The following LSAMP variants were observed in gnomAD, a reference collection of about 807,000 sequenced individuals.
The protein encoded by LSAMP is limbic system-associated membrane protein.
In LSAMP, 7 loss-of-function variants were observed where a neutral mutation model predicts 38.6. That is an observed-to-expected ratio of 0.18 (90% CI 0.10 to 0.34). The LOEUF is 0.34. LSAMP is among the 10% of genes least tolerant of loss of function. The pLI is 1.00. For missense variants in LSAMP, 313 were observed against 420.0 expected, an observed-to-expected ratio of 0.75 and a Z score of 2.23; for synonymous variants, 154 against 166.8, an observed-to-expected ratio of 0.92 and a Z score of 0.59.
At chr3:116,438,328 A>T (rs1312381551) in intron 1 of LSAMP, among the ~76,000 whole-genome samples, 4 of 152,310 alleles carry the variant, frequency 2.6e-5, no homozygotes, top group Admixed American at 6.5e-5. Context: ...CAATACTTTG[A>T]TACATACAAT....
intron 6 of LSAMP, among the ~76,000 whole-genome samples, chr3:115,834,194 A>C (rs1934708899): frequency 1.3e-5 from 2 of 152,126 alleles, no homozygotes; most frequent in African/African-American, 4.8e-5. Context: ...TCCAACTGTG[A>C]GGGTAGTCAG....
At chr3:115,918,047 CA>C in intron 3 of LSAMP, among the ~76,000 whole-genome samples, 1 of 152,246 alleles carries the variant, frequency 6.6e-6, no homozygotes, top group East Asian at 1.9e-4. Flanking sequence ...TGGCTGTGGG[CA>C]GGGGTCAGGT....
chr3:116,131,052 A>G (rs376514307), intron 1 of LSAMP, among the ~76,000 whole-genome samples: 2,317 of 138,318 alleles, frequency 0.017, 27 homozygotes, highest in Non-Finnish European at 0.025. Context: ...GTGCAGTGGC[A>G]CGGTCTTGGC....
chr3:116,067,344 A>G (rs767806094), intron 2 of LSAMP, among the ~76,000 whole-genome samples: 3 of 152,198 alleles, frequency 2.0e-5, no homozygotes, highest in Non-Finnish European at 2.9e-5. Context: ...TGCAAAACAC[A>G]AAAACCTAAA....
chr3:116,026,536 C>T (rs1940796720), intron 2 of LSAMP, among the ~76,000 whole-genome samples: 1 of 152,116 alleles, frequency 6.6e-6, no homozygotes, highest in African/African-American at 2.4e-5. Context: ...TTGGAAAAAC[C>T]ACTGCTTACC....
chr3:116,357,556 T>G (rs2048242583), intron 1 of LSAMP, among the ~76,000 whole-genome samples: 1 of 152,108 alleles, frequency 6.6e-6, no homozygotes, highest in African/African-American at 2.4e-5. Flanking sequence ...CCCAGAATAC[T>G]AGGTATAGAG....
At chr3:116,220,687 C>G (rs2107616089) in intron 1 of LSAMP, among the ~76,000 whole-genome samples, 1 of 152,222 alleles carries the variant, frequency 6.6e-6, no homozygotes, top group Non-Finnish European at 1.5e-5. Flanking sequence ...TAGGATCAAA[C>G]TGGAATGGAA....
At position 116,344,563 on chromosome 3, in the gene LSAMP, C is replaced by A. The variant is rs903486944; in HGVS notation, c.155+100314G>T. Among the ~76,000 whole-genome samples the A allele has an allele frequency of 2.6e-5, 4 of 152,124 alleles. No homozygotes were observed. The East Asian group carries it at 5.8e-4, about 22-fold the overall frequency. ...AATCTCCTGCCTCTAGGCTCTTCCA[C>A]TCTACCTCCTTTAATTGTCACATCT... On this transcript the variant is annotated intron_variant, in intron 1 of 6. Coordinates refer to ENST00000490035, the MANE Select transcript of LSAMP (RefSeq NM_002338.5).
chr3:116,288,519 G>A (rs1003465939), intron 1 of LSAMP, among the ~76,000 whole-genome samples: 10 of 152,034 alleles, frequency 6.6e-5, no homozygotes, highest in Admixed American at 3.9e-4. Context: ...AGTGAAGATC[G>A]GTGAAACTTC....
intron 3 of LSAMP, among the ~76,000 whole-genome samples, chr3:115,875,788 A>G (rs1936165201): frequency 2.0e-5 from 3 of 152,128 alleles, no homozygotes; most frequent in Admixed American, 1.3e-4. Flanking sequence ...TCCCATCTAC[A>G]TGAACACAAG....
At chr3:115,948,762 AAAAG>A (rs1197670637) in intron 3 of LSAMP, among the ~76,000 whole-genome samples, 1 of 152,226 alleles carries the variant, frequency 6.6e-6, no homozygotes, top group African/African-American at 2.4e-5. Flanking sequence ...CCAGCATAAG[AAAAG>A]AAATAACAAA....
At chr3:115,911,853 C>T (rs977835931) in intron 3 of LSAMP, among the ~76,000 whole-genome samples, 1 of 152,218 alleles carries the variant, frequency 6.6e-6, no homozygotes, top group Admixed American at 6.5e-5. Context: ...TTGGTGTTGC[C>T]ATATTTTTTA....
chr3:116,136,670 C>T (rs1709254472), intron 1 of LSAMP, among the ~76,000 whole-genome samples: 4 of 151,956 alleles, frequency 2.6e-5, no homozygotes, highest in African/African-American at 9.7e-5. Context: ...CCTTCTTATC[C>T]ACTTGTTCAC....
intron 1 of LSAMP, among the ~76,000 whole-genome samples, chr3:116,180,290 A>C (rs1416402968): frequency 1.3e-5 from 2 of 152,204 alleles, no homozygotes; most frequent in African/African-American, 4.8e-5. Context: ...TATAACTATA[A>C]AGGAAAGACA....
At chr3:115,873,440 G>C (rs1936102034) in intron 3 of LSAMP, among the ~76,000 whole-genome samples, 1 of 150,720 alleles carries the variant, frequency 6.6e-6, no homozygotes, top group African/African-American at 2.4e-5. Context: ...TTCAGAGAAA[G>C]GACTAGGCTA....
In LSAMP at chr3:115,834,880, C is replaced by T. The variant is rs527976201; in HGVS notation, c.919+6965G>A. 9.2e-5 allele frequency among the ~76,000 whole-genome samples: 14 copies of T among 152,106 alleles called. 1 individual carries two copies. The South Asian group carries it at 2.9e-3, about 32-fold the overall frequency. On this transcript the variant is annotated intron_variant, in intron 6 of 6. Coordinates refer to ENST00000490035, the MANE Select transcript of LSAMP (RefSeq NM_002338.5). ...ATACAGAATCCTACTGGAAAAAACC[C>T]ACCACCAAGATTTTAGATCTTTTAG...
intron 1 of LSAMP, among the ~76,000 whole-genome samples, chr3:116,224,796 A>T (rs2046324838): frequency 1.3e-5 from 2 of 152,196 alleles, no homozygotes; most frequent in African/African-American, 4.8e-5. Context: ...TTGTGAGGTC[A>T]TGTTACTCTG....
intron 1 of LSAMP, among the ~76,000 whole-genome samples, chr3:116,167,770 C>T (rs1170950201): frequency 6.6e-6 from 1 of 152,192 alleles, no homozygotes; most frequent in Non-Finnish European, 1.5e-5. Flanking sequence ...TTATATACAA[C>T]ATACTATGTA....
intron 1 of LSAMP, among the ~76,000 whole-genome samples, chr3:116,162,768 T>TACACACACAC (rs71141856): frequency 9.6e-4 from 141 of 147,434 alleles, no homozygotes; most frequent in East Asian, 2.9e-3. Flanking sequence ...CACACACTTA[T>TACACACACAC]ACACACACAC....
Sources: allele counts gnomAD v4.1 joint callset (sites outside exome capture counted in the v4.1 genomes callset), GRCh38; gene constraint gnomAD v4.1.1; transcripts MANE v1.5; gene names NCBI Gene and HGNC (gene_info 2026-07-23, HGNC 2026-07-21).